The following THRB variants were observed in gnomAD, a reference collection of about 807,000 sequenced individuals.
THRB encodes nuclear receptor subfamily 1 group A member 2.
THRB carries 12 observed loss-of-function variants against 47.8 expected under a neutral mutation model. The ratio of observed to expected loss-of-function variants is 0.25; its 90% CI spans 0.16 to 0.41. THRB has a LOEUF of 0.41. THRB is among the 10% of genes least tolerant of loss of function. The probability of loss-of-function intolerance (pLI) is 1.00; values close to 1 mark genes in which losing one functional copy is unlikely to be tolerated. For missense variants in THRB, 348 were observed against 589.2 expected, an observed-to-expected ratio of 0.59 and a Z score of 4.24; for synonymous variants, 218 against 212.2, an observed-to-expected ratio of 1.03 and a Z score of -0.24.
intron 5 of THRB, among the ~76,000 whole-genome samples, chr3:24,162,929 T>A (rs1230011003): frequency 6.6e-6 from 1 of 152,136 alleles, no homozygotes; most frequent in Non-Finnish European, 1.5e-5. Context: ...TTAACACAGC[T>A]GCAGTATTGG....
intron 3 of THRB, among the ~76,000 whole-genome samples, chr3:24,293,804 C>T (rs183357831): frequency 5.0e-4 from 76 of 152,280 alleles, no homozygotes; most frequent in Admixed American, 9.8e-4. Context: ...GCCATTGTGG[C>T]GGCTGCAGCA....
rs145550802 is a variant in THRB at position 24,339,205 on chromosome 3, G to C, written c.-260-1834C>G. ...AGAGTGTAATTTTGATTTAGGCTTT[G>C]AGCAATATATCTGAACTTGACTCTG... On this transcript the variant is annotated intron_variant, in intron 1 of 10. Coordinates refer to ENST00000646209, the MANE Select transcript of THRB (RefSeq NM_001354712.2). Among the ~76,000 whole-genome samples, 693 of 152,094 alleles carry C rather than the reference G, an allele frequency of 4.6e-3. 2 individuals carry two copies. Among genetic ancestry groups the C allele is most frequent in the Non-Finnish European group, 6.9e-3 (472 of 67,984 alleles).
intron 9 of THRB, among the ~76,000 whole-genome samples, chr3:24,132,669 G>A (rs566176732): frequency 1.3e-3 from 198 of 152,336 alleles, no homozygotes; most frequent in Admixed American, 2.6e-3. Context: ...AGGGAAAGTC[G>A]AAGAACTCCG....
At chr3:24,281,758 A>C (rs1576521173) in intron 3 of THRB, among the ~76,000 whole-genome samples, 1 of 146,650 alleles carries the variant, frequency 6.8e-6, no homozygotes, top group South Asian at 2.3e-4. Flanking sequence ...AGCAAATGGA[A>C]AACAAAAAAA....
intron 2 of THRB, among the ~76,000 whole-genome samples, chr3:24,330,176 G>A (rs893317704): frequency 1.6e-4 from 24 of 151,836 alleles, no homozygotes; most frequent in African/African-American, 4.4e-4. Context: ...GCGCGGTGGC[G>A]GGCGCCTGTA....
chr3:24,339,324 T>C (rs2062471026), intron 1 of THRB, among the ~76,000 whole-genome samples: 2 of 152,206 alleles, frequency 1.3e-5, no homozygotes, highest in South Asian at 4.1e-4. Flanking sequence ...AATTATTTTG[T>C]CTAATTTCAC....
chr3:24,181,695 CT>C (rs368199391), intron 5 of THRB, among the ~76,000 whole-genome samples: 105 of 151,900 alleles, frequency 6.9e-4, no homozygotes, highest in African/African-American at 2.3e-3. Flanking sequence ...CACAGTATTA[CT>C]TGTTACTTGG....
At chr3:24,251,046 C>T (rs1393506912) in intron 3 of THRB, among the ~76,000 whole-genome samples, 1 of 151,590 alleles carries the variant, frequency 6.6e-6, no homozygotes, top group Non-Finnish European at 1.5e-5. Context: ...AAATCAGACA[C>T]ATAAAAAAAG....
At chr3:24,217,528 T>C (rs1477844633) in intron 4 of THRB, among the ~76,000 whole-genome samples, 1 of 150,772 alleles carries the variant, frequency 6.6e-6, no homozygotes, top group African/African-American at 2.5e-5. Flanking sequence ...GGGACGTGTG[T>C]GTTGGGAGAA....
intron 1 of THRB, among the ~76,000 whole-genome samples, chr3:24,345,319 G>A (rs985242984): frequency 6.6e-6 from 1 of 152,000 alleles, no homozygotes; most frequent in Non-Finnish European, 1.5e-5. Flanking sequence ...CTAGAGGATC[G>A]CCAAACAAAG....
At chr3:24,131,624 G>A (rs774222575) in intron 9 of THRB, among the ~76,000 whole-genome samples, 1 of 152,176 alleles carries the variant, frequency 6.6e-6, no homozygotes, top group Non-Finnish European at 1.5e-5. Flanking sequence ...GAGGTGATGA[G>A]GTCATGAGAG....
intron 1 of THRB, among the ~76,000 whole-genome samples, chr3:24,493,912 C>T (rs370848040): frequency 6.6e-6 from 1 of 152,202 alleles, no homozygotes; most frequent in Non-Finnish European, 1.5e-5. Context: ...TGAAAATTCC[C>T]CCAAATGAGT....
chr3:24,379,292 T>G (rs1215796401), intron 1 of THRB, among the ~76,000 whole-genome samples: 1 of 152,084 alleles, frequency 6.6e-6, no homozygotes, highest in Non-Finnish European at 1.5e-5. Context: ...AAGCAAAGGT[T>G]TCCAATTAGG....
intron 3 of THRB, among the ~76,000 whole-genome samples, chr3:24,238,282 G>A (rs866459234): frequency 9.0e-6 from 1 of 110,804 alleles, no homozygotes; most frequent in African/African-American, 4.3e-5. Context: ...TGTGTGTGGG[G>A]GGGGGGGGGG....
intron 3 of THRB, among the ~76,000 whole-genome samples, chr3:24,233,531 A>AAAAGAAAGAAAGAG (rs1559682805): frequency 9.0e-6 from 1 of 111,616 alleles, no homozygotes; most frequent in Non-Finnish European, 1.9e-5. Context: ...GGAAGGAAGG[A>AAAAGAAAGAAAGAG]AAAGAAAGAA....
At chr3:24,370,966 G>A (rs1227296015) in intron 1 of THRB, among the ~76,000 whole-genome samples, 1 of 152,120 alleles carries the variant, frequency 6.6e-6, no homozygotes, top group Admixed American at 6.6e-5. Flanking sequence ...ATTTTCAAAA[G>A]AGCTGTAGAA....
chr3:24,330,680 C>T (rs1314333115), intron 2 of THRB, among the ~76,000 whole-genome samples: 1 of 152,136 alleles, frequency 6.6e-6, no homozygotes, highest in Non-Finnish European at 1.5e-5. Flanking sequence ...ACAGAAATCA[C>T]AACACTTGCC....
At chr3:24,355,685 G>A (rs915502089) in intron 1 of THRB, among the ~76,000 whole-genome samples, 7 of 152,290 alleles carry the variant, frequency 4.6e-5, no homozygotes, top group Admixed American at 3.3e-4. Context: ...CCAGAGAGAT[G>A]CCAGTGAGGT....
intron 5 of THRB, among the ~76,000 whole-genome samples, chr3:24,158,873 G>T (rs1023734458): frequency 1.4e-5 from 2 of 144,980 alleles, no homozygotes; most frequent in South Asian, 2.3e-4. Flanking sequence ...TCTCTCTCTC[G>T]CATACTTGGG....
Sources: gnomAD v4.1 joint callset for allele counts (sites outside exome capture counted in the v4.1 genomes callset) on GRCh38, gnomAD v4.1.1 for gene constraint, MANE v1.5 for transcripts, NCBI Gene and HGNC (gene_info 2026-07-23, HGNC 2026-07-21) for gene names.